Variants in FAM117B observed in about 807,000 individuals in gnomAD.
FAM117B encodes the protein family with sequence similarity 117 member B.
A neutral mutation model predicts 52.8 loss-of-function variants in FAM117B; 22 were observed. The ratio of observed to expected loss-of-function variants is 0.42; its 90% CI spans 0.30 to 0.59. The LOEUF is 0.59. Ranked by LOEUF, FAM117B falls within the 20% of genes least tolerant of loss-of-function variation. The pLI is 0.22. For missense variants in FAM117B, 678 were observed against 802.6 expected, an observed-to-expected ratio of 0.84 and a Z score of 1.88; for synonymous variants, 309 against 324.1, an observed-to-expected ratio of 0.95 and a Z score of 0.50.
At chr2:202,687,223 C>T (rs1318122189) in intron 1 of FAM117B, among the ~76,000 whole-genome samples, 1 of 152,132 alleles carries the variant, frequency 6.6e-6, no homozygotes, top group Non-Finnish European at 1.5e-5. Flanking sequence ...ATTTGTATGA[C>T]ACCTTTTAAA....
intron 5 of FAM117B, among the ~76,000 whole-genome samples, chr2:202,756,342 A>T (rs1356150412): frequency 6.6e-6 from 1 of 151,646 alleles, no homozygotes; most frequent in East Asian, 1.9e-4. Flanking sequence ...TGAACCCGGG[A>T]GGTGAAGGTT....
intron 1 of FAM117B, among the ~76,000 whole-genome samples, chr2:202,687,167 A>G (rs1024561244): frequency 3.3e-5 from 5 of 152,238 alleles, no homozygotes; most frequent in Non-Finnish European, 1.5e-5. Flanking sequence ...CATGGACACT[A>G]TGCCGAGTGA....
Position 202,650,476 on chromosome 2 carries a change from A to G in FAM117B, c.601+14688A>G, listed in dbSNP as rs183919137. Among the ~76,000 whole-genome samples, 622 of 152,324 alleles carry G rather than the reference A, an allele frequency of 4.1e-3. 1 individual carries two copies. Among genetic ancestry groups the G allele is most frequent in the Admixed American group, 6.3e-3 (96 of 15,294 alleles). ...GGACGATAAAGGAAAAGGCTCATGTATTAGGGTTATCTAGAGGAACTGAAC... is the reference window on the plus strand; with the variant it reads ...GGACGATAAAGGAAAAGGCTCATGTGTTAGGGTTATCTAGAGGAACTGAAC... On this transcript the variant is annotated intron_variant, in intron 1 of 7. Coordinates refer to ENST00000392238, the MANE Select transcript of FAM117B (RefSeq NM_173511.4).
chr2:202,740,681 G>T (rs956475352), intron 4 of FAM117B, among the ~76,000 whole-genome samples: 8 of 152,046 alleles, frequency 5.3e-5, no homozygotes, highest in African/African-American at 1.9e-4. Flanking sequence ...TAGCTATTGA[G>T]CCATATATGA....
At chr2:202,705,029 G>T (rs1009381679) in intron 2 of FAM117B, among the ~76,000 whole-genome samples, 1 of 152,028 alleles carries the variant, frequency 6.6e-6, no homozygotes, top group Admixed American at 6.6e-5. Context: ...TAAGAGGGCC[G>T]GGCGCAGTGG....
intron 5 of FAM117B, among the ~76,000 whole-genome samples, chr2:202,756,783 A>G (rs1691806188): frequency 6.6e-6 from 1 of 152,012 alleles, no homozygotes; most frequent in African/African-American, 2.4e-5. Context: ...CCTTTCCCCC[A>G]TTTAGGAAGG....
At chr2:202,648,682 G>T (rs1022483363) in intron 1 of FAM117B, among the ~76,000 whole-genome samples, 6 of 151,954 alleles carry the variant, frequency 3.9e-5, no homozygotes, top group African/African-American at 1.5e-4. Context: ...GTTAAATGAT[G>T]CTAGGTTGAA....
chr2:202,686,833 C>T (rs1690548778), intron 1 of FAM117B, among the ~76,000 whole-genome samples: 1 of 151,138 alleles, frequency 6.6e-6, no homozygotes, highest in Non-Finnish European at 1.5e-5. Context: ...TATTAGATAA[C>T]CAAATTGTAG....
intron 1 of FAM117B, among the ~76,000 whole-genome samples, chr2:202,674,136 C>T (rs548122069): frequency 7.9e-5 from 12 of 152,224 alleles, no homozygotes; most frequent in African/African-American, 2.6e-4. Context: ...TTGATTACTT[C>T]TAAATTTCTC....
chr2:202,714,522 CTT>C (rs201682417), intron 2 of FAM117B, among the ~76,000 whole-genome samples: 1 of 123,860 alleles, frequency 8.1e-6, no homozygotes, highest in African/African-American at 3.0e-5. Context: ...GTTGTTATAT[CTT>C]TTTTTTTTCT....
In FAM117B at chr2:202,757,546, T is replaced by G; in HGVS notation, c.1330+108T>G. 3 of 1,186,924 alleles carry G rather than the reference T, an allele frequency of 2.5e-6. No individual in the cohort carries two copies. The East Asian group carries it at 7.6e-5, about 30-fold the overall frequency. 73.5% of individuals were successfully genotyped at this position (1,186,924 alleles called of 1,614,324 possible). A position where few individuals can be genotyped will look rare whatever the true frequency, so the allele number is the denominator to read the frequency against. On this transcript the variant is annotated intron_variant, in intron 6 of 7. Coordinates refer to ENST00000392238, the MANE Select transcript of FAM117B (RefSeq NM_173511.4). ...ACACACACACTCGAGGCTACTCAGT[T>G]AATGTGTTCAAAGCCTAGGTTTTCA...
At position 202,635,750 on chromosome 2, in the gene FAM117B, C is replaced by T. The variant is rs868512522; in HGVS notation, c.563C>T (p.Pro188Leu). ...RRSPEQSRSS[P>L]EKRSPSAPVC... ...TCTCCGGAGCAGAGCCGAAGCTCGC[C>T]GGAGAAGAGGAGCCCCAGCGCCCCG... is the stretch of plus-strand genomic sequence containing the variant. The change falls in exon 1 of 8, where the codon CCG (proline) becomes CTG (leucine). Residue 188 changes from proline to leucine, a missense_variant. Pro to Leu is a moderately conservative substitution (Grantham distance 98). This residue lies in a region of FAM117B where 583 missense variants were observed against 644.8 expected (regional missense o/e 0.90). Coordinates refer to ENST00000392238, the MANE Select transcript of FAM117B (RefSeq NM_173511.4). 1.4e-6 allele frequency: 2 copies of T among 1,457,110 alleles called. No homozygotes were observed. Among genetic ancestry groups the T allele is most frequent in the Admixed American group, 2.4e-5 (1 of 41,580 alleles). The allele number at this position is 1,457,110 out of a possible 1,614,324, so 90.3% of individuals were successfully genotyped here.
intron 1 of FAM117B, among the ~76,000 whole-genome samples, chr2:202,643,209 G>A (rs1689795984): frequency 6.6e-6 from 1 of 152,214 alleles, no homozygotes; most frequent in South Asian, 2.1e-4. Context: ...TTTACAGGAT[G>A]TGGAAAACTT....
chr2:202,749,321 A>G (rs1005034140), intron 4 of FAM117B, among the ~76,000 whole-genome samples: 1 of 152,122 alleles, frequency 6.6e-6, no homozygotes, highest in Non-Finnish European at 1.5e-5. Context: ...ATTGAAAACT[A>G]TTTGTTTAAT....
chr2:202,686,805 CAA>C (rs201803878), intron 1 of FAM117B, among the ~76,000 whole-genome samples: 8 of 127,778 alleles, frequency 6.3e-5, no homozygotes, highest in Admixed American at 7.9e-5. Context: ...GAGATTCGGT[CAA>C]AAAAAAAAAA....
chr2:202,645,374 C>A (rs1296906766), intron 1 of FAM117B, among the ~76,000 whole-genome samples: 1 of 151,640 alleles, frequency 6.6e-6, no homozygotes, highest in Non-Finnish European at 1.5e-5. Context: ...CTGCAGGCTC[C>A]GCCCCCCGGG....
At chr2:202,697,199 C>G (rs1215008706) in intron 2 of FAM117B, among the ~76,000 whole-genome samples, 2 of 152,178 alleles carry the variant, frequency 1.3e-5, no homozygotes, top group African/African-American at 4.8e-5. Context: ...TTCTTACTTA[C>G]CACAATTATA....
At chr2:202,666,228 A>G (rs1478527431) in intron 1 of FAM117B, among the ~76,000 whole-genome samples, 4 of 152,156 alleles carry the variant, frequency 2.6e-5, no homozygotes, top group Non-Finnish European at 5.9e-5. Flanking sequence ...TAAACTTTAC[A>G]TTAAAAACAA....
chr2:202,649,609 T>C (rs1333031413), intron 1 of FAM117B, among the ~76,000 whole-genome samples: 1 of 152,146 alleles, frequency 6.6e-6, no homozygotes, highest in East Asian at 1.9e-4. Context: ...TGGAGTGCAA[T>C]GGCGTGATCT....
Sources: allele counts gnomAD v4.1 joint callset (sites outside exome capture counted in the v4.1 genomes callset), GRCh38; gene constraint gnomAD v4.1.1; regional missense constraint gnomAD v4.1.1; transcripts MANE v1.5; gene names NCBI Gene and HGNC (gene_info 2026-07-23, HGNC 2026-07-21).